The following GPHN variants were observed in gnomAD, a reference collection of about 807,000 sequenced individuals.
The protein encoded by GPHN is gephyrin.
Under a neutral mutation model 95.5 loss-of-function variants are expected in GPHN, and 17 were observed. The ratio of observed to expected loss-of-function variants is 0.18; its 90% CI spans 0.12 to 0.27. GPHN has a LOEUF of 0.27. GPHN is among the 10% of genes least tolerant of loss of function. The pLI is 1.00. For missense variants in GPHN, 660 were observed against 978.1 expected (o/e 0.67, Z 4.34); for synonymous variants, 320 against 322.5 (o/e 0.99, Z 0.08).
intron 5 of GPHN, among the ~76,000 whole-genome samples, chr14:66,894,142 T>C (rs757291011): frequency 1.1e-4 from 16 of 152,100 alleles, no homozygotes; most frequent in East Asian, 1.9e-4. Flanking sequence ...CAAAACAGCA[T>C]GGTACTGGTA....
intron 17 of GPHN, among the ~76,000 whole-genome samples, chr14:67,134,580 T>C (rs1011780126): frequency 5.3e-5 from 8 of 152,212 alleles, no homozygotes; most frequent in Admixed American, 2.6e-4. Flanking sequence ...ATTTACTGAG[T>C]GCCTACAATG....
chr14:67,321,924 G>T, the GPHN span, among the ~76,000 whole-genome samples: 1 of 152,058 alleles, frequency 6.6e-6, no homozygotes, highest in Admixed American at 6.6e-5. Context: ...AGAAAAATTA[G>T]AAAATTTCAA....
chr14:67,600,702 C>T, the GPHN span, among the ~76,000 whole-genome samples: 5 of 152,168 alleles, frequency 3.3e-5, no homozygotes, highest in Non-Finnish European at 5.9e-5. Context: ...GCCTAAGCCT[C>T]CTGAGTAGCT....
chr14:66,753,866 T>C (rs1043491469), intron 2 of GPHN, among the ~76,000 whole-genome samples: 3 of 152,040 alleles, frequency 2.0e-5, no homozygotes, highest in Non-Finnish European at 4.4e-5. Flanking sequence ...TCACTTTTTT[T>C]CTCTCCCACC....
chr14:66,920,341 GTATT>G (rs747161208), intron 6 of GPHN, among the ~76,000 whole-genome samples: 1 of 151,904 alleles, frequency 6.6e-6, no homozygotes, highest in Non-Finnish European at 1.5e-5. Flanking sequence ...TTTTTAGAAT[GTATT>G]TATTTATTTA....
chr14:67,608,520 A>G, the GPHN span, among the ~76,000 whole-genome samples: 1 of 152,190 alleles, frequency 6.6e-6, no homozygotes, highest in African/African-American at 2.4e-5. Flanking sequence ...GGACAACTGT[A>G]TATACCACCT....
intron 1 of GPHN, among the ~76,000 whole-genome samples, chr14:66,562,179 T>C (rs572724567): frequency 2.6e-5 from 4 of 152,154 alleles, no homozygotes; most frequent in Admixed American, 6.5e-5. Flanking sequence ...TCTACTCTCC[T>C]AAGTTCTGTC....
intron 17 of GPHN, among the ~76,000 whole-genome samples, chr14:67,126,890 T>C (rs376208806): frequency 0.048 from 7,284 of 151,680 alleles, 368 homozygotes; most frequent in African/African-American, 0.12. Flanking sequence ...ATGTGGCACA[T>C]ATACACCATG....
the GPHN span, chr14:67,583,684 C>T: frequency 2.1e-6 from 3 of 1,402,502 alleles, no homozygotes; most frequent in Non-Finnish European, 3.0e-6. Context: ...CAACAGCCCC[C>T]ACCTGGCCCA....
chr14:67,565,993 G>A, the GPHN span, among the ~76,000 whole-genome samples: 3 of 152,236 alleles, frequency 2.0e-5, no homozygotes, highest in South Asian at 2.1e-4. Context: ...GGTGGTGCAC[G>A]CCTATAGTCT....
intron 5 of GPHN, among the ~76,000 whole-genome samples, chr14:66,895,093 G>A (rs2064762396): frequency 6.6e-6 from 1 of 152,276 alleles, no homozygotes; most frequent in East Asian, 1.9e-4. Flanking sequence ...CAATAGCAAA[G>A]ACTTGGAACC....
the GPHN span, among the ~76,000 whole-genome samples, chr14:67,558,979 G>A: frequency 6.6e-6 from 1 of 152,200 alleles, no homozygotes; most frequent in Non-Finnish European, 1.5e-5. Flanking sequence ...GACTGGATGT[G>A]GCCTGAAGGC....
chr14:67,490,459 C>G, the GPHN span, among the ~76,000 whole-genome samples: 1 of 152,194 alleles, frequency 6.6e-6, no homozygotes, highest in Non-Finnish European at 1.5e-5. Context: ...AGGGGCCAAG[C>G]GCAGGTTCAG....
intron 14 of GPHN, among the ~76,000 whole-genome samples, chr14:67,111,140 G>C (rs2078345227): frequency 6.6e-6 from 1 of 152,206 alleles, no homozygotes. Context: ...CTGATCTGGA[G>C]ATTTTCTTTT....
intron 9 of GPHN, among the ~76,000 whole-genome samples, chr14:66,977,385 C>T (rs1393781035): frequency 1.3e-5 from 2 of 151,636 alleles, no homozygotes; most frequent in Non-Finnish European, 2.9e-5. Flanking sequence ...GAGCCAAGAT[C>T]GCGCCATTGC....
chr14:66,618,191 G>A (rs1488900210), intron 1 of GPHN, among the ~76,000 whole-genome samples: 6 of 152,060 alleles, frequency 3.9e-5, no homozygotes, highest in Admixed American at 2.0e-4. Context: ...AGAATTATTA[G>A]GATGATAGCC....
chr14:67,721,485 G>A, the GPHN span, among the ~76,000 whole-genome samples: 1 of 151,980 alleles, frequency 6.6e-6, no homozygotes, highest in African/African-American at 2.4e-5. Context: ...GGCCTCAAGG[G>A]ATCCCCCTAC....
intron 2 of GPHN, among the ~76,000 whole-genome samples, chr14:66,727,292 A>G (rs1053757512): frequency 6.6e-6 from 1 of 152,340 alleles, no homozygotes; most frequent in East Asian, 1.9e-4. Context: ...AGTCTCAGGT[A>G]TGTCTTTATC....
intron 8 of GPHN, among the ~76,000 whole-genome samples, chr14:66,955,412 A>G (rs967837877): frequency 1.3e-5 from 2 of 152,158 alleles, no homozygotes; most frequent in African/African-American, 4.8e-5. Context: ...GTATTTAATT[A>G]TTATGAAATA....
Sources: allele counts gnomAD v4.1 joint callset (sites outside exome capture counted in the v4.1 genomes callset), GRCh38; gene constraint gnomAD v4.1.1; transcripts MANE v1.5; gene names NCBI Gene and HGNC (gene_info 2026-07-23, HGNC 2026-07-21).